CPED1: variants seen among roughly 807,000 people sequenced by gnomAD.
CPED1 encodes cadherin like and PC-esterase domain containing 1, also known as cadherin-like and PC-esterase domain-containing protein 1.
Under a neutral mutation model 128.2 loss-of-function variants are expected in CPED1, and 114 were observed. That is an observed-to-expected ratio of 0.89 (90% CI 0.76 to 1.04). The LOEUF (loss-of-function observed/expected upper bound fraction) is 1.04. Ranked by LOEUF, CPED1 falls within the 50% of genes least tolerant of loss-of-function variation. The probability of loss-of-function intolerance (pLI) is 0.00; values close to 1 mark genes in which losing one functional copy is unlikely to be tolerated. For synonymous variants in CPED1, 462 were observed against 426.7 expected (o/e 1.08, Z -1.02); for missense variants, 1,211 against 1,207.1 (o/e 1.00, Z -0.05).
chr7:121,204,746 A>C (rs1038206706), intron 16 of CPED1, among the ~76,000 whole-genome samples: 2 of 152,172 alleles, frequency 1.3e-5, no homozygotes, highest in African/African-American at 2.4e-5. Context: ...GATGCAGGTC[A>C]AGTTTCCTGG....
intron 22 of CPED1, among the ~76,000 whole-genome samples, chr7:121,287,631 A>C (rs966560964): frequency 6.6e-6 from 1 of 152,090 alleles, no homozygotes; most frequent in Non-Finnish European, 1.5e-5. Flanking sequence ...TTCCTTTCAA[A>C]TGGTCTTAAC....
chr7:121,080,495 T>C (rs1418170541), intron 5 of CPED1, among the ~76,000 whole-genome samples: 5 of 152,162 alleles, frequency 3.3e-5, no homozygotes, highest in Admixed American at 6.6e-5. Flanking sequence ...GGTCAAACTT[T>C]TTATTTTGAA....
intron 16 of CPED1, among the ~76,000 whole-genome samples, chr7:121,155,189 C>G (rs889305057): frequency 3.9e-5 from 6 of 152,032 alleles, no homozygotes; most frequent in African/African-American, 7.2e-5. Flanking sequence ...ACAAGGAAAA[C>G]TATAAAACTC....
chr7:121,054,727 G>A (rs1585042878), intron 4 of CPED1, among the ~76,000 whole-genome samples: 1 of 151,482 alleles, frequency 6.6e-6, no homozygotes, highest in African/African-American at 2.4e-5. Context: ...AGCTCCATGG[G>A]TTTTGACAAA....
intron 7 of CPED1, among the ~76,000 whole-genome samples, chr7:121,116,960 CTCTATATA>C (rs766336672): frequency 2.4e-5 from 2 of 82,292 alleles, no homozygotes; most frequent in Non-Finnish European, 5.2e-5. Flanking sequence ...CTCTCTCTCT[CTCTATATA>C]TATATATATA....
intron 16 of CPED1, among the ~76,000 whole-genome samples, chr7:121,231,063 G>T (rs1470133312): frequency 6.6e-6 from 1 of 152,024 alleles, no homozygotes. Context: ...ATGCCATGAA[G>T]ATGAATGATA....
At chr7:121,241,118 C>T (rs1414321156) in intron 17 of CPED1, among the ~76,000 whole-genome samples, 1 of 52,032 alleles carries the variant, frequency 1.9e-5, no homozygotes, top group Non-Finnish European at 4.5e-5. Context: ...CCGAGGCGGG[C>T]GGATCACGAG....
chr7:121,028,883 G>T (rs966569123), intron 3 of CPED1, among the ~76,000 whole-genome samples: 1 of 152,140 alleles, frequency 6.6e-6, no homozygotes, highest in Non-Finnish European at 1.5e-5. Flanking sequence ...GATAATTAAT[G>T]TTGGATGTTT....
chr7:121,094,499 T>C (rs1794652306), intron 5 of CPED1, among the ~76,000 whole-genome samples: 1 of 152,216 alleles, frequency 6.6e-6, no homozygotes, highest in African/African-American at 2.4e-5. Context: ...TTTTGTTCTC[T>C]AACCATAGAT....
chr7:121,216,753 C>T (rs1430331214), intron 16 of CPED1, among the ~76,000 whole-genome samples: 1 of 151,980 alleles, frequency 6.6e-6, no homozygotes, highest in African/African-American at 2.4e-5. Flanking sequence ...CCACTTCATA[C>T]TCTGTATGGA....
intron 9 of CPED1, among the ~76,000 whole-genome samples, chr7:121,126,456 G>T (rs142635452): frequency 1.9e-3 from 293 of 151,536 alleles, no homozygotes; most frequent in African/African-American, 6.7e-3. Context: ...CTCTAACATA[G>T]CCCTTAGAGG....
At chr7:121,060,940 G>A (rs1312744013) in intron 4 of CPED1, among the ~76,000 whole-genome samples, 1 of 151,488 alleles carries the variant, frequency 6.6e-6, no homozygotes, top group Non-Finnish European at 1.5e-5. Flanking sequence ...GAGACCACGA[G>A]CCCCCCGGGA....
chr7:121,040,248 C>T (rs778824670), intron 3 of CPED1, among the ~76,000 whole-genome samples: 19 of 152,088 alleles, frequency 1.2e-4, no homozygotes, highest in African/African-American at 4.1e-4. Flanking sequence ...TCCGTACATA[C>T]GATTTCTCTT....
At chr7:121,157,751 A>G (rs1382268293) in intron 16 of CPED1, among the ~76,000 whole-genome samples, 1 of 152,170 alleles carries the variant, frequency 6.6e-6, no homozygotes, top group Non-Finnish European at 1.5e-5. Context: ...GTTGTGCCTT[A>G]TGTAGAAGGG....
chr7:121,162,151 G>A (rs1649989833), intron 16 of CPED1, among the ~76,000 whole-genome samples: 1 of 152,190 alleles, frequency 6.6e-6, no homozygotes, highest in Non-Finnish European at 1.5e-5. Flanking sequence ...ATAAATGACA[G>A]AATTAGGCCA....
chr7:121,024,291 G>T (rs757035079), intron 3 of CPED1, among the ~76,000 whole-genome samples: 6 of 152,038 alleles, frequency 3.9e-5, no homozygotes, highest in African/African-American at 7.2e-5. Flanking sequence ...ATTTATAAAA[G>T]TTGAGCTTAG....
At chr7:121,109,702 A>T (rs1795060201) in intron 7 of CPED1, among the ~76,000 whole-genome samples, 1 of 152,180 alleles carries the variant, frequency 6.6e-6, no homozygotes, top group South Asian at 2.1e-4. Flanking sequence ...AAATTTTTTC[A>T]GATATATTTG....
chr7:121,117,211 C>CTG (rs1795271042), intron 7 of CPED1, among the ~76,000 whole-genome samples: 1 of 150,626 alleles, frequency 6.6e-6, no homozygotes, highest in African/African-American at 2.4e-5. Flanking sequence ...AATGATTCTC[C>CTG]CGCCTCAGCC....
At chr7:121,083,816 A>G (rs1794352808) in intron 5 of CPED1, 1 of 152,202 alleles carries the variant, frequency 6.6e-6, no homozygotes, top group African/African-American at 2.4e-5. Context: ...ATGGGACTGT[A>G]GTCTGTGCTT....
Sources: allele counts gnomAD v4.1 joint callset (sites outside exome capture counted in the v4.1 genomes callset), GRCh38; gene constraint gnomAD v4.1.1; transcripts MANE v1.5; gene names NCBI Gene and HGNC (gene_info 2026-07-23, HGNC 2026-07-21).